Variants in HNRNPL observed in about 807,000 individuals in gnomAD.
HNRNPL encodes heterogeneous nuclear ribonucleoprotein L.
A neutral mutation model predicts 64.0 loss-of-function variants in HNRNPL; 12 were observed. The ratio of observed to expected loss-of-function variants is 0.19; its 90% CI spans 0.12 to 0.30. The LOEUF (loss-of-function observed/expected upper bound fraction) is 0.30. HNRNPL is among the 10% of genes least tolerant of loss of function. HNRNPL has a pLI of 1.00. For missense variants in HNRNPL, 484 were observed against 797.4 expected (o/e 0.61, Z 4.73); for synonymous variants, 385 against 313.0 (o/e 1.23, Z -2.43).
At position 38,847,374 on chromosome 19, in the gene HNRNPL, T is replaced by C. The variant is rs764828228; in HGVS notation, c.328A>G (p.Ile110Val). The change falls in exon 2 of 13, where the codon ATT (isoleucine) becomes GTT (valine). Residue 110 changes from isoleucine (I) to valine (V), a missense_variant. Coordinates refer to ENST00000221419, the MANE Select transcript of HNRNPL (RefSeq NM_001533.3). Reference protein sequence around the residue: ...ASPVVHIRGLIDGVVEADLVE... With the variant: ...ASPVVHIRGLVDGVVEADLVE... ...AGGTCTGCTTCCACCACACCGTCAA[T>C]CAGGCCCCTGATGTGGACAACTGGG... is the stretch of plus-strand genomic sequence containing the variant. 7 of 1,572,756 alleles carry C rather than the reference T, an allele frequency of 4.5e-6. No individual in the cohort carries two copies. Among genetic ancestry groups the C allele is most frequent in the Non-Finnish European group, 6.0e-6 (7 of 1,157,852 alleles).
chr19:38,847,962 C>A (rs1370270226), intron 1 of HNRNPL, among the ~76,000 whole-genome samples: 1 of 152,184 alleles, frequency 6.6e-6, no homozygotes, highest in Non-Finnish European at 1.5e-5. Flanking sequence ...GGGCAAAAAA[C>A]AACACATGCC....
chr19:38,851,970 G>A (rs1157010601), upstream of HNRNPL, among the ~76,000 whole-genome samples: 3 of 151,890 alleles, frequency 2.0e-5, no homozygotes, highest in Non-Finnish European at 4.4e-5. Flanking sequence ...AGGCCGGGCC[G>A]GTCGCGACGA....
chr19:38,847,566 TA>T, intron 1 of HNRNPL, 132 bp from the exon 2 acceptor site: 1 of 470,232 alleles, frequency 2.1e-6, no homozygotes, highest in East Asian at 3.3e-5. Flanking sequence ...CAGGAAAGAC[TA>T]GGGGCAGCAA....
At chr19:38,839,060 G>C (rs768720452) in intron 8 of HNRNPL, 45 bp from the exon 9 acceptor site, 1 of 1,608,010 alleles carries the variant, frequency 6.2e-7, no homozygotes, top group Non-Finnish European at 8.5e-7. Flanking sequence ...CAGCTGCCAG[G>C]GTCCCCTCTC....
chr19:38,839,230 A>T, intron 8 of HNRNPL: 1 of 549,640 alleles, frequency 1.8e-6, no homozygotes, highest in Non-Finnish European at 3.3e-6. Flanking sequence ...GACATAACCC[A>T]CCAGTAAATC....
At chr19:38,842,617 G>A (rs1199677602) in intron 6 of HNRNPL, among the ~76,000 whole-genome samples, 2 of 152,068 alleles carry the variant, frequency 1.3e-5, no homozygotes, top group Non-Finnish European at 2.9e-5. Flanking sequence ...TTCTCTCCAG[G>A]AAGAGCTAGT....
chr19:38,842,105 A>ATT (rs10624642), intron 6 of HNRNPL: 12,938 of 132,570 alleles, frequency 0.098, 807 homozygotes, highest in South Asian at 0.2. Flanking sequence ...TGTGGTTAAA[A>ATT]TTTTTTTTTT....
At position 38,847,399 on chromosome 19, in the gene HNRNPL, G is replaced by T; in HGVS notation, c.303C>A (p.Ser101=). The change falls in exon 2 of 13, where the codon TCC becomes TCA. Residue 101 remains serine (S), a synonymous_variant. Coordinates refer to ENST00000221419, the MANE Select transcript of HNRNPL (RefSeq NM_001533.3). ...NYDDPHKTPA[S]PVVHIRGLID... The stretch of plus-strand genomic sequence containing the variant: ...TCAGGCCCCTGATGTGGACAACTGG[G>T]GAGGCAGGGGTTTTGTGCGGGTCAT... 6.4e-7 allele frequency: 1 copy of T among 1,553,604 alleles called. No homozygotes were observed. Among genetic ancestry groups the T allele is most frequent in the Non-Finnish European group, 8.7e-7 (1 of 1,150,896 alleles).
intron 6 of HNRNPL, chr19:38,843,444 C>T (rs1214193471): frequency 9.3e-6 from 2 of 214,688 alleles, no homozygotes; most frequent in Non-Finnish European, 1.9e-5. Context: ...GTCACTCCCC[C>T]AAATCAGACC....
chr19:38,848,941 A>G (rs1452543436), intron 1 of HNRNPL, among the ~76,000 whole-genome samples: 1 of 152,054 alleles, frequency 6.6e-6, no homozygotes, highest in African/African-American at 2.4e-5. Context: ...TTTTGGAAAG[A>G]GTGGGGACTG....
intron 12 of HNRNPL, 63 bp downstream of exon 12, chr19:38,837,321 G>A: frequency 7.7e-7 from 1 of 1,306,636 alleles, no homozygotes; most frequent in Non-Finnish European, 1.1e-6. Flanking sequence ...GACATCCCTG[G>A]CCTGAAGCCA....
rs932023342 is a variant in HNRNPL at position 38,845,670 on chromosome 19, A to C, written c.690T>G (p.Asn230Lys). ...GATATTCCACCATCGCCTGAACTCC[A>C]TTCTTCCTGAAAATGACAATTCTCT... ...PVQRIVIFRK[N>K]GVQAMVEFDS... Residue 230 changes from asparagine to lysine, a missense_variant, in exon 4 of 13, where the codon AAT becomes AAG. This residue lies in a region of HNRNPL where 60 missense variants were observed against 192.2 expected (regional missense o/e 0.31). Coordinates refer to ENST00000221419, the MANE Select transcript of HNRNPL (RefSeq NM_001533.3). The C allele has an allele frequency of 6.2e-7, 1 of 1,613,548 alleles. No individual in the cohort carries two copies. Among genetic ancestry groups the C allele is most frequent in the Non-Finnish European group, 8.5e-7 (1 of 1,179,594 alleles).
At chr19:38,849,620 C>T in intron 1 of HNRNPL, 80 bp downstream of exon 1, 2 of 1,293,344 alleles carry the variant, frequency 1.5e-6, no homozygotes, top group Non-Finnish European at 2.0e-6. Flanking sequence ...AGAGGCCCCC[C>T]TCAAAAAATA....
intron 6 of HNRNPL, chr19:38,841,716 G>C: frequency 1.0e-6 from 1 of 972,568 alleles, no homozygotes; most frequent in Non-Finnish European, 1.4e-6. Context: ...ATAAATACAA[G>C]TCACGGTACA....
upstream of HNRNPL, chr19:38,850,096 G>A: frequency 1.4e-6 from 1 of 691,890 alleles, no homozygotes; most frequent in Non-Finnish European, 2.2e-6. Context: ...CACGCCTTGC[G>A]CGCTTATTGG....
rs993996136 is a variant in HNRNPL at position 38,837,665 on chromosome 19, C to G, written c.1558-14G>C. On this transcript the variant is annotated splice_polypyrimidine_tract_variant and intron_variant, in intron 10 of 12. Coordinates refer to ENST00000221419, the MANE Select transcript of HNRNPL (RefSeq NM_001533.3). ...CTCATCGCAGATCTGCAAAAGAAAA[C>G]AGGTAGTAAATGAACTCTGAAACAA... 4 of 1,613,582 alleles carry G rather than the reference C, an allele frequency of 2.5e-6. No homozygotes were observed. The highest frequency in any genetic ancestry group is 1.3e-5 in the African/African-American group (1 of 74,912).
Position 38,840,209 on chromosome 19 carries a change from C to T in HNRNPL, c.1120G>A (p.Glu374Lys), listed in dbSNP as rs754184098. 3 of 151,722 alleles carry T rather than the reference C, an allele frequency of 2.0e-5. No individual in the cohort carries two copies. The highest frequency in any genetic ancestry group is 1.5e-4 in the East Asian group (1 of 6,548). 9.4% of individuals were successfully genotyped at this position (151,722 alleles called of 1,614,324 possible). ...GHPPPPPPPP[E>K]YGPHADSPVL... ...GGGCTGTCGGCGTGAGGGCCATACTCGGGTGGTGGGGGAGGGGGTGGGGGG... is the reference window on the plus strand; with the variant it reads ...GGGCTGTCGGCGTGAGGGCCATACTTGGGTGGTGGGGGAGGGGGTGGGGGG... The change falls in exon 8 of 13, where the codon GAG becomes AAG. Residue 374 changes from glutamate (E) to lysine (K), a missense_variant. By Grantham distance (56) the Glu-to-Lys change is moderately conservative. This residue lies in a region of HNRNPL where 25 missense variants were observed against 67.0 expected (regional missense o/e 0.37). Coordinates refer to ENST00000221419, the MANE Select transcript of HNRNPL (RefSeq NM_001533.3).
In HNRNPL at chr19:38,836,598, TAAAAAAAAAAA is replaced by T. The variant is rs35433653; in HGVS notation, c.*113_*123del. The T allele has an allele frequency of 4.4e-5, 6 of 135,538 alleles. No homozygotes were observed. Among genetic ancestry groups the T allele is most frequent in the Admixed American group, 1.8e-4 (2 of 11,160 alleles). The allele number at this position is 135,538 out of a possible 1,614,324, so 8.4% of individuals were successfully genotyped here. ...AGTAAGCCTCTACAAACCTAGCATT[TAAAAAAAAAAA>T]AAAAAAAAAAAAAAAGGAATACAAG... On this transcript the variant is annotated 3_prime_UTR_variant, in exon 13 of 13. Coordinates refer to ENST00000221419, the MANE Select transcript of HNRNPL (RefSeq NM_001533.3).
rs143090987 is a variant in HNRNPL, at chr19:38,838,005, CCT to C, written c.1558-356_1558-355del. Among the ~76,000 whole-genome samples, 723 of 152,346 alleles carry C rather than the reference CCT, an allele frequency of 4.7e-3. 3 individuals carry two copies. The highest frequency in any genetic ancestry group is 0.012 in the African/African-American group (489 of 41,582). ...CCTCCCTTCCGCTGCCTCAGTTCCC[CCT>C]GACTGAGCTTTACAGGGCCCCACCT... is the stretch of plus-strand genomic sequence containing the variant. On this transcript the variant is annotated intron_variant, in intron 10 of 12. Coordinates refer to ENST00000221419, the MANE Select transcript of HNRNPL (RefSeq NM_001533.3).
Sources: allele counts gnomAD v4.1 joint callset (sites outside exome capture counted in the v4.1 genomes callset), GRCh38; gene constraint gnomAD v4.1.1; regional missense constraint gnomAD v4.1.1; transcripts MANE v1.5; gene names NCBI Gene and HGNC (gene_info 2026-07-23, HGNC 2026-07-21).